Variants in ME3 observed in about 807,000 individuals in gnomAD.
The protein encoded by ME3 is malic enzyme 3, also known as NADP-dependent malic enzyme, mitochondrial.
In ME3, 48 loss-of-function variants were observed where a neutral mutation model predicts 68.9. The observed-to-expected ratio is 0.70, with a 90% confidence interval of 0.55 to 0.89. The LOEUF is 0.89. Ranked by LOEUF, ME3 falls within the 40% of genes least tolerant of loss-of-function variation. The pLI, the probability that ME3 is intolerant of heterozygous loss-of-function variation, is 0.00. For synonymous variants in ME3, 320 were observed against 318.8 expected (o/e 1.00, Z -0.04); for missense variants, 675 against 797.4 (o/e 0.85, Z 1.85).
rs1320730023 is a variant in ME3 at position 86,567,116 on chromosome 11, C to T, written c.184-7293G>A. Reference sequence around the variant, plus strand: ...CCTGTAATACCAGCTACTCGGGAGGCTGAGGCAGGAAAATCGCATGAAACT... The same window carrying T: ...CCTGTAATACCAGCTACTCGGGAGGTTGAGGCAGGAAAATCGCATGAAACT... On this transcript the variant is annotated intron_variant, in intron 2 of 14. Transcript: ENST00000543262. Among the ~76,000 whole-genome samples, 4 of 151,996 alleles carry T rather than the reference C, an allele frequency of 2.6e-5. No homozygotes were observed. The East Asian group carries it at 7.7e-4, about 29-fold the overall frequency.
intron 2 of ME3, among the ~76,000 whole-genome samples, chr11:86,670,479 T>C (rs1438530545): frequency 3.3e-5 from 5 of 152,202 alleles, no homozygotes; most frequent in African/African-American, 9.6e-5. Context: ...CCAGTTTGTA[T>C]TTTCTAACGC....
At chr11:86,498,785 G>A (rs1311723859) in intron 5 of ME3, among the ~76,000 whole-genome samples, 1 of 152,114 alleles carries the variant, frequency 6.6e-6, no homozygotes, top group Non-Finnish European at 1.5e-5. Context: ...TATGAATGAA[G>A]CTGATGATGA....
At chr11:86,471,361 C>T (rs1205066661) in intron 7 of ME3, among the ~76,000 whole-genome samples, 3 of 152,072 alleles carry the variant, frequency 2.0e-5, no homozygotes, top group Middle Eastern at 3.4e-3. Flanking sequence ...GTCTTGATTT[C>T]TTGACCTCAT....
chr11:86,573,931 G>A (rs1478615704), intron 2 of ME3, among the ~76,000 whole-genome samples: 10 of 152,160 alleles, frequency 6.6e-5, no homozygotes, highest in East Asian at 5.8e-4. Flanking sequence ...GATATGTTGC[G>A]TTTATTGATT....
At chr11:86,505,088 A>T (rs540503053) in intron 5 of ME3, among the ~76,000 whole-genome samples, 2 of 152,314 alleles carry the variant, frequency 1.3e-5, no homozygotes, top group East Asian at 3.9e-4. Flanking sequence ...AGTAGTGAAG[A>T]AGAGGTTCTG....
chr11:86,667,389 G>C (rs927727834), intron 2 of ME3, among the ~76,000 whole-genome samples: 2 of 152,152 alleles, frequency 1.3e-5, no homozygotes, highest in South Asian at 4.1e-4. Flanking sequence ...CTGAAGTCTG[G>C]GAAGATGAGA....
intron 4 of ME3, among the ~76,000 whole-genome samples, chr11:86,541,958 C>G (rs867152310): frequency 2.0e-5 from 3 of 152,192 alleles, no homozygotes; most frequent in Admixed American, 1.3e-4. Context: ...GAGAAAGGAG[C>G]AGGCAGCAAT....
intron 4 of ME3, among the ~76,000 whole-genome samples, chr11:86,525,925 A>C (rs1013740883): frequency 6.6e-6 from 1 of 151,878 alleles, no homozygotes; most frequent in Non-Finnish European, 1.5e-5. Flanking sequence ...GCTCCAGTCT[A>C]CAGCTCCCAG....
At chr11:86,664,469 T>C (rs1376783891) in intron 2 of ME3, among the ~76,000 whole-genome samples, 1 of 152,210 alleles carries the variant, frequency 6.6e-6, no homozygotes, top group Non-Finnish European at 1.5e-5. Flanking sequence ...ATTTACAACA[T>C]GCCTATGAGA....
At position 86,463,494 on chromosome 11, in the gene ME3, C is replaced by T. The variant is rs545821498; in HGVS notation, c.919+1597G>A. Among the ~76,000 whole-genome samples the T allele has an allele frequency of 7.2e-5, 11 of 152,338 alleles. No individual in the cohort carries two copies. The East Asian group carries it at 1.2e-3, about 16-fold the overall frequency. ...TTCCTGAACTGCACAGCCCTGTCTG[C>T]GCAGTGTCCTGGCTTGTGTGGGTGA... On this transcript the variant is annotated intron_variant, in intron 8 of 14. Coordinates refer to ENST00000543262, the Ensembl canonical transcript of ME3.
intron 8 of ME3, 51 bp downstream of exon 8, chr11:86,465,040 G>T: frequency 6.9e-7 from 1 of 1,442,274 alleles, no homozygotes; most frequent in South Asian, 1.1e-5. Flanking sequence ...CAGTGAGGTT[G>T]AGAATATAAG....
At chr11:86,501,991 TC>T (rs1952756320) in intron 5 of ME3, among the ~76,000 whole-genome samples, 1 of 152,184 alleles carries the variant, frequency 6.6e-6, no homozygotes, top group African/African-American at 2.4e-5. Context: ...TCTCTAATGG[TC>T]CCTGATGTCT....
At chr11:86,529,083 A>G (rs1355411368) in intron 4 of ME3, among the ~76,000 whole-genome samples, 2 of 152,182 alleles carry the variant, frequency 1.3e-5, no homozygotes, top group Admixed American at 1.3e-4. Flanking sequence ...TTTTTGGAAA[A>G]GATCAACAAA....
rs1380786524 is a variant in ME3, at chr11:86,457,385, G to A, written c.920-6987C>T. On this transcript the variant is annotated intron_variant, in intron 8 of 14. Transcript: ENST00000543262. ...ACCCACCTCTTGTCAGGGTCCCCAA[G>A]TACCTCCAGGTGGCCAAATTCAGTA... 3 of 490,230 alleles carry A rather than the reference G, an allele frequency of 6.1e-6. No individual in the cohort carries two copies. In the African/African-American group the frequency reaches 6.3e-5, roughly 10 times the overall value. 30.4% of individuals were successfully genotyped at this position (490,230 alleles called of 1,614,324 possible).
chr11:86,638,519 C>T (rs143272589), intron 2 of ME3, among the ~76,000 whole-genome samples: 83 of 152,110 alleles, frequency 5.5e-4, no homozygotes, highest in African/African-American at 1.5e-3. Flanking sequence ...CAAAAAAGGA[C>T]GAAAACTCAT....
chr11:86,508,760 A>T lies in ME3; in HGVS notation c.543+32T>A, dbSNP rs554622853. ...TTAGGCTGAAATGATTCACCCAACAATGATTAAATAGCAATGAAAACGGGA... is the reference window on the plus strand; with the variant it reads ...TTAGGCTGAAATGATTCACCCAACATTGATTAAATAGCAATGAAAACGGGA... On this transcript the variant is annotated intron_variant, in intron 5 of 14. Transcript: ENST00000543262. The T allele has an allele frequency of 9.2e-5, 144 of 1,568,814 alleles. 2 individuals are homozygous for T. The South Asian group carries it at 1.5e-3, about 16-fold the overall frequency.
At chr11:86,483,597 A>T (rs547236636) in intron 7 of ME3, among the ~76,000 whole-genome samples, 13 of 152,218 alleles carry the variant, frequency 8.5e-5, no homozygotes, top group African/African-American at 2.6e-4. Flanking sequence ...TAAAAAAAAA[A>T]TTTTCCTAGA....
chr11:86,604,597 GATATAA>G (rs1265186818), intron 2 of ME3, among the ~76,000 whole-genome samples: 10 of 152,102 alleles, frequency 6.6e-5, no homozygotes, highest in African/African-American at 9.7e-5. Flanking sequence ...CATATAAAAT[GATATAA>G]ATGTAAATAG....
downstream of ME3, chr11:86,441,056 A>G: frequency 2.8e-6 from 1 of 361,468 alleles, no homozygotes; most frequent in African/African-American, 2.1e-5. Flanking sequence ...GGTTGAAGAA[A>G]TGCTTAGGAA....
Sources: gnomAD v4.1 joint callset for allele counts (sites outside exome capture counted in the v4.1 genomes callset) on GRCh38, gnomAD v4.1.1 for gene constraint, MANE v1.5 for transcripts, NCBI Gene and HGNC (gene_info 2026-07-23, HGNC 2026-07-21) for gene names.